The following RBFOX1 variants were observed in gnomAD, a reference collection of about 807,000 sequenced individuals.
The protein encoded by RBFOX1 is RNA binding fox-1 homolog 1.
Under a neutral mutation model 57.7 loss-of-function variants are expected in RBFOX1, and 8 were observed. That is an observed-to-expected ratio of 0.14 (90% confidence interval 0.08 to 0.25). The LOEUF is 0.25. Ranked by LOEUF, RBFOX1 falls within the 10% of genes least tolerant of loss-of-function variation. The probability of loss-of-function intolerance (pLI) is 1.00; values close to 1 mark genes in which losing one functional copy is unlikely to be tolerated. For missense variants in RBFOX1, 611 were observed against 548.5 expected (o/e 1.11, Z -1.14); for synonymous variants, 326 against 222.4 (o/e 1.47, Z -4.15).
At chr16:7,098,543 T>G (rs1382985019) in intron 4 of RBFOX1, among the ~76,000 whole-genome samples, 1 of 152,232 alleles carries the variant, frequency 6.6e-6, no homozygotes, top group African/African-American at 2.4e-5. Flanking sequence ...TATTGAAATG[T>G]AACACACACA....
chr16:7,230,445 T>G (rs891262648), intron 4 of RBFOX1, among the ~76,000 whole-genome samples: 13 of 152,296 alleles, frequency 8.5e-5, no homozygotes, highest in African/African-American at 3.1e-4. Context: ...CCACAGATTT[T>G]GAGATGTAGA....
At chr16:6,638,580 G>A (rs748948137) in intron 2 of RBFOX1, among the ~76,000 whole-genome samples, 10 of 152,282 alleles carry the variant, frequency 6.6e-5, no homozygotes, top group Non-Finnish European at 1.5e-4. Flanking sequence ...ATGGCTATCG[G>A]TATGTTCTTT....
rs114844023 is a variant in RBFOX1, at chr16:7,242,408, C to G, written c.27+190310C>G. 3.9e-4 allele frequency among the ~76,000 whole-genome samples: 60 copies of G among 152,216 alleles called. 1 individual carries two copies. The South Asian group carries it at 0.011, about 27-fold the overall frequency. On this transcript the variant is annotated intron_variant, in intron 4 of 15. Transcript: ENST00000550418. ...TGTGAGCTTGGGCAAGAAACTAGAT[C>G]TCTCTGAGCTTTAGTTCTTTTATGT...
At chr16:7,512,579 G>C (rs1020731844) in intron 4 of RBFOX1, among the ~76,000 whole-genome samples, 1 of 152,176 alleles carries the variant, frequency 6.6e-6, no homozygotes, top group Non-Finnish European at 1.5e-5. Context: ...ATGAAATCTG[G>C]AGTCCCATGT....
chr16:7,287,487 A>G (rs1033522900), intron 4 of RBFOX1, among the ~76,000 whole-genome samples: 1 of 152,196 alleles, frequency 6.6e-6, no homozygotes, highest in Admixed American at 6.5e-5. Context: ...TTGGTGGACC[A>G]AGCCTGTATT....
intron 5 of RBFOX1, among the ~76,000 whole-genome samples, chr16:7,524,890 T>G (rs1219285995): frequency 6.6e-6 from 1 of 152,220 alleles, no homozygotes; most frequent in African/African-American, 2.4e-5. Flanking sequence ...GTTCAGGGCA[T>G]TCCTTTTGAC....
intron 3 of RBFOX1, among the ~76,000 whole-genome samples, chr16:6,741,129 C>A (rs536296590): frequency 9.4e-4 from 143 of 152,148 alleles, no homozygotes; most frequent in South Asian, 1.9e-3. Flanking sequence ...GAAGTATAAT[C>A]TTTACAACAA....
chr16:6,087,997 G>C (rs1311718721), intron 1 of RBFOX1, among the ~76,000 whole-genome samples: 1 of 152,130 alleles, frequency 6.6e-6, no homozygotes, highest in South Asian at 2.1e-4. Context: ...GTGTTTGTGT[G>C]TGTGTGTAAA....
intron 4 of RBFOX1, among the ~76,000 whole-genome samples, chr16:5,897,540 A>T (rs1347234988): frequency 6.6e-6 from 1 of 152,178 alleles, no homozygotes; most frequent in Admixed American, 6.5e-5. Flanking sequence ...GAAAATATAT[A>T]GTGATGACCC....
chr16:7,023,286 G>A (rs370084232), intron 3 of RBFOX1, among the ~76,000 whole-genome samples: 3 of 151,668 alleles, frequency 2.0e-5, no homozygotes, highest in Admixed American at 6.6e-5. Flanking sequence ...AGACCAGACC[G>A]CATCTCTACT....
intron 2 of RBFOX1, among the ~76,000 whole-genome samples, chr16:5,477,520 T>G (rs373487484): frequency 2.0e-5 from 3 of 152,328 alleles, no homozygotes; most frequent in South Asian, 2.1e-4. Flanking sequence ...CATAAGTTAT[T>G]GAAGTAATTG....
At chr16:7,642,214 G>T (rs975881288) in intron 11 of RBFOX1, among the ~76,000 whole-genome samples, 4 of 152,154 alleles carry the variant, frequency 2.6e-5, no homozygotes, top group African/African-American at 9.7e-5. Flanking sequence ...TTCTATATGG[G>T]TGTTTTGGAG....
At chr16:6,823,150 C>G (rs1333781792) in intron 3 of RBFOX1, among the ~76,000 whole-genome samples, 1 of 152,132 alleles carries the variant, frequency 6.6e-6, no homozygotes, top group Non-Finnish European at 1.5e-5. Flanking sequence ...GAAGCCAGGA[C>G]CATCTCAGCC....
At chr16:7,027,684 A>G (rs1337633841) in intron 3 of RBFOX1, among the ~76,000 whole-genome samples, 1 of 152,220 alleles carries the variant, frequency 6.6e-6, no homozygotes, top group African/African-American at 2.4e-5. Context: ...GAAGGTTTCC[A>G]GACAGAAGAG....
intron 2 of RBFOX1, among the ~76,000 whole-genome samples, chr16:6,373,847 C>T (rs778447327): frequency 1.3e-5 from 2 of 152,112 alleles, no homozygotes; most frequent in Non-Finnish European, 2.9e-5. Context: ...TACTTCTGTA[C>T]TCATTGCATT....
chr16:7,535,272 G>A (rs2081206950), intron 5 of RBFOX1, among the ~76,000 whole-genome samples: 1 of 152,150 alleles, frequency 6.6e-6, no homozygotes, highest in African/African-American at 2.4e-5. Flanking sequence ...CAGGGCTGCT[G>A]GGCTTACGGG....
chr16:6,389,464 G>A (rs1596474419), intron 2 of RBFOX1, among the ~76,000 whole-genome samples: 1 of 152,068 alleles, frequency 6.6e-6, no homozygotes, highest in East Asian at 1.9e-4. Context: ...CATCATGAAA[G>A]CAGGCACCTG....
intron 3 of RBFOX1, among the ~76,000 whole-genome samples, chr16:6,794,866 C>G (rs914269976): frequency 6.6e-6 from 1 of 151,870 alleles, no homozygotes; most frequent in Non-Finnish European, 1.5e-5. Flanking sequence ...CTTTTTTCCC[C>G]CTATGAAAAA....
At chr16:7,584,573 G>A (rs2093993306) in intron 6 of RBFOX1, among the ~76,000 whole-genome samples, 1 of 152,204 alleles carries the variant, frequency 6.6e-6, no homozygotes, top group Non-Finnish European at 1.5e-5. Flanking sequence ...TTACAGGCAT[G>A]AGCCACCATG....
Sources: allele counts gnomAD v4.1 joint callset (sites outside exome capture counted in the v4.1 genomes callset), GRCh38; gene constraint gnomAD v4.1.1; transcripts MANE v1.5; gene names NCBI Gene and HGNC (gene_info 2026-07-23, HGNC 2026-07-21).